The following DMWD variants were observed in gnomAD, a reference collection of about 807,000 sequenced individuals.
DMWD encodes DM1 locus, WD repeat containing.
A neutral mutation model predicts 45.8 loss-of-function variants in DMWD; 19 were observed. The observed-to-expected ratio is 0.41, with a 90% CI of 0.29 to 0.61. The LOEUF is 0.61. DMWD is among the 20% of genes least tolerant of loss of function. DMWD has a pLI of 0.25. For missense variants in DMWD, 802 were observed against 965.2 expected (o/e 0.83, Z 2.24); for synonymous variants, 515 against 440.5 (o/e 1.17, Z -2.12).
chr19:45,787,168 G>T (rs1010239864), intron 2 of DMWD: 2 of 486,166 alleles, frequency 4.1e-6, no homozygotes, highest in Non-Finnish European at 7.5e-6. Flanking sequence ...GAATTGTCCT[G>T]TATCTCGGGG....
Position 45,792,721 on chromosome 19 carries a change from G to C in DMWD, c.36C>G (p.Pro12=). ...CCGCGCAGTCCCCCATGGCGGCGCCGGGGCCCGAGCCGCCCTCCGCGCCGC... is the reference window on the plus strand; with the variant it reads ...CCGCGCAGTCCCCCATGGCGGCGCCCGGGCCCGAGCCGCCCTCCGCGCCGC... ...AAGGAEGGSG[P]GAAMGDCAEI... The change falls in exon 1 of 5, where the codon CCC becomes CCG. Residue 12 remains proline, a synonymous_variant. Transcript: ENST00000270223. The C allele has an allele frequency of 8.3e-7, 1 of 1,201,702 alleles. No individual in the cohort carries two copies. The highest frequency in any genetic ancestry group is 1.0e-6 in the Non-Finnish European group (1 of 954,092). The allele number at this position is 1,201,702 out of a possible 1,614,324, so 74.4% of individuals were successfully genotyped here. A position where few individuals can be genotyped will look rare whatever the true frequency, so the allele number is the denominator to read the frequency against.
rs1360860770 is a variant in DMWD, at chr19:45,786,236, T to C, written c.1260A>G (p.Pro420=). The C allele has an allele frequency of 1.2e-6, 2 of 1,610,488 alleles. No individual in the cohort carries two copies. Among genetic ancestry groups the C allele is most frequent in the African/African-American group, 1.3e-5 (1 of 74,986 alleles). Residue 420 remains proline, a synonymous_variant, in exon 3 of 5, where the codon CCA becomes CCG. Transcript: ENST00000270223. ...TGSAGGAPLS[P]LPKAGSITYR... ...AAGTAATGGAGCCAGCCTTGGGCAGTGGAGAGAGCGGGGCGCCCCCGGCCG... is the reference window on the plus strand; with the variant it reads ...AAGTAATGGAGCCAGCCTTGGGCAGCGGAGAGAGCGGGGCGCCCCCGGCCG...
At chr19:45,787,080 T>A in intron 2 of DMWD, 1 of 909,058 alleles carries the variant, frequency 1.1e-6, no homozygotes, top group East Asian at 2.7e-5. Context: ...AAACAGAGGC[T>A]GCTGCAAGGT....
intron 2 of DMWD, chr19:45,789,145 C>T (rs1894039340): frequency 6.6e-6 from 1 of 152,214 alleles, no homozygotes; most frequent in African/African-American, 2.4e-5. Context: ...TCTGTCTCCC[C>T]AGCTAGACTG....
At chr19:45,787,673 A>G (rs1179864461) in intron 2 of DMWD, among the ~76,000 whole-genome samples, 1 of 152,014 alleles carries the variant, frequency 6.6e-6, no homozygotes, top group Non-Finnish European at 1.5e-5. Context: ...ATGAGTGACA[A>G]CCCCCCATCC....
At chr19:45,791,203 G>C (rs1026692715) in intron 1 of DMWD, 116 bp from the exon 2 acceptor site, 2 of 1,098,706 alleles carry the variant, frequency 1.8e-6, no homozygotes, top group African/African-American at 1.6e-5. Flanking sequence ...GAGGGAAGTG[G>C]GGAGGTGAGT....
intron 3 of DMWD, chr19:45,785,299 A>T: frequency 8.5e-7 from 1 of 1,183,418 alleles, no homozygotes. Flanking sequence ...ACAGGCAGTA[A>T]GACCTGGCCA....
chr19:45,783,322 C>T lies in DMWD; in HGVS notation c.*921G>A, dbSNP rs1278088132. The T allele has an allele frequency of 1.4e-5, 5 of 368,126 alleles. No individual in the cohort carries two copies. Among genetic ancestry groups the T allele is most frequent in the East Asian group, 1.2e-4 (3 of 25,400 alleles). 22.8% of individuals were successfully genotyped at this position (368,126 alleles called of 1,614,324 possible). On this transcript the variant is annotated 3_prime_UTR_variant, in exon 5 of 5. Transcript: ENST00000270223. The stretch of plus-strand genomic sequence containing the variant: ...GTGGACGGTTCTCCAGAGTGGAAGT[C>T]GGGGCCTCCAACCGGCCTGGGGTGC...
chr19:45,788,726 C>T lies in DMWD; in HGVS notation c.625-1855G>A, dbSNP rs369540604. On this transcript the variant is annotated intron_variant, in intron 2 of 4. Coordinates refer to ENST00000270223, the MANE Select transcript of DMWD (RefSeq NM_004943.2). The stretch of plus-strand genomic sequence containing the variant: ...GGAGAATAGCTTGAGCCCAGGAGTT[C>T]GAGACCAGCTTGGGCAACACAAAGA... Among the ~76,000 whole-genome samples, 21 of 152,044 alleles carry T rather than the reference C, an allele frequency of 1.4e-4. No individual in the cohort carries two copies. In the East Asian group the frequency reaches 3.9e-3, roughly 28 times the overall value.
rs754446960 is a variant in DMWD at position 45,786,194 on chromosome 19, C to T, written c.1302G>A (p.Ala434=). ...ACAGGCAGAACTGCGTGTCCTGGCC[C>T]GCCGAGCCAAAGCGGTAAGTAATGG... ...AGSITYRFGS[A]GQDTQFCLWD... Residue 434 remains alanine (A), a synonymous_variant, in exon 3 of 5, where the codon GCG becomes GCA. Coordinates refer to ENST00000270223, the MANE Select transcript of DMWD (RefSeq NM_004943.2). 95 of 1,609,284 alleles carry T rather than the reference C, an allele frequency of 5.9e-5. No individual in the cohort carries two copies. The highest frequency in any genetic ancestry group is 7.6e-5 in the Non-Finnish European group (90 of 1,178,260).
At chr19:45,787,070 A>C (rs1038262144) in intron 2 of DMWD, 199 bp from the exon 3 acceptor site, 1 of 993,048 alleles carries the variant, frequency 1.0e-6, no homozygotes, top group Non-Finnish European at 1.4e-6. Flanking sequence ...AAACATGGGG[A>C]AACAGAGGCT....
rs1336118602 is a variant in DMWD at position 45,783,808 on chromosome 19, A to G, written c.*435T>C. The G allele has an allele frequency of 2.1e-6, 1 of 466,088 alleles. No individual in the cohort carries two copies. The highest frequency in any genetic ancestry group is 3.7e-6 in the Non-Finnish European group (1 of 268,454). 28.9% of individuals were successfully genotyped at this position (466,088 alleles called of 1,614,324 possible). ...ACCTGAGGGGCTTCCATAATTTAACACTCTTCAAAAGCACAGACAATAGCA... is the reference window on the plus strand; with the variant it reads ...ACCTGAGGGGCTTCCATAATTTAACGCTCTTCAAAAGCACAGACAATAGCA... On this transcript the variant is annotated 3_prime_UTR_variant, in exon 5 of 5. Transcript: ENST00000270223.
chr19:45,788,989 G>A (rs748467792), intron 2 of DMWD, among the ~76,000 whole-genome samples: 1 of 150,706 alleles, frequency 6.6e-6, no homozygotes, highest in Non-Finnish European at 1.5e-5. Flanking sequence ...CCTCCTTCAG[G>A]TCTTTATTTC....
In DMWD at chr19:45,784,065, T is replaced by G. The variant is rs1016178905; in HGVS notation, c.*178A>C. The G allele has an allele frequency of 4.6e-6, 3 of 658,500 alleles. No individual in the cohort carries two copies. In the African/African-American group the frequency reaches 5.5e-5, roughly 12 times the overall value. The allele number at this position is 658,500 out of a possible 1,614,324, so 40.8% of individuals were successfully genotyped here. Reference sequence around the variant, plus strand: ...ACAAGGCTGAGGCCACAAGGGCTATTACATCGCCCGTGTCCGGGCCAGTCT... The same window carrying G: ...ACAAGGCTGAGGCCACAAGGGCTATGACATCGCCCGTGTCCGGGCCAGTCT... On this transcript the variant is annotated 3_prime_UTR_variant, in exon 5 of 5. Coordinates refer to ENST00000270223, the MANE Select transcript of DMWD (RefSeq NM_004943.2).
At chr19:45,784,848 C>A in intron 3 of DMWD, 133 bp from the exon 4 acceptor site, 1 of 1,416,282 alleles carries the variant, frequency 7.1e-7, no homozygotes, top group Non-Finnish European at 9.3e-7. Flanking sequence ...AACTGAGGAT[C>A]TGAGGAACCA....
intron 4 of DMWD, 33 bp downstream of exon 4, chr19:45,784,608 G>A (rs760946970): frequency 9.3e-6 from 15 of 1,613,952 alleles, no homozygotes; most frequent in Non-Finnish European, 1.3e-5. Flanking sequence ...GGGACCCTGA[G>A]GTGCTGGGGA....
intron 1 of DMWD, among the ~76,000 whole-genome samples, chr19:45,791,929 C>G (rs568940986): frequency 6.6e-6 from 1 of 152,138 alleles, no homozygotes; most frequent in Non-Finnish European, 1.5e-5. Context: ...CACCTCCAGG[C>G]TGCAATACTG....
intron 1 of DMWD, among the ~76,000 whole-genome samples, chr19:45,791,929 C>T (rs568940986): frequency 7.9e-4 from 120 of 152,254 alleles, no homozygotes; most frequent in African/African-American, 2.8e-3. Context: ...CACCTCCAGG[C>T]TGCAATACTG....
Position 45,785,847 on chromosome 19 carries a change from CTGA to C in DMWD, c.1646_1648del (p.Ile549del). The C allele has an allele frequency of 6.2e-7, 1 of 1,609,896 alleles. No individual in the cohort carries two copies. Among genetic ancestry groups the C allele is most frequent in the Non-Finnish European group, 8.5e-7 (1 of 1,179,760 alleles). On this transcript the variant is annotated inframe_deletion, in exon 3 of 5. Transcript: ENST00000270223. ...GCCACTGCCGCCACTGCCACCCCGG[CTGA>C]TGTTGCCCAGGCTGTGGTAGCGCTT... is the stretch of plus-strand genomic sequence containing the variant.
Sources: gnomAD v4.1 joint callset for allele counts (sites outside exome capture counted in the v4.1 genomes callset) on GRCh38, gnomAD v4.1.1 for gene constraint, MANE v1.5 for transcripts, NCBI Gene and HGNC (gene_info 2026-07-23, HGNC 2026-07-21) for gene names.